The following ODAD1 variants were observed in gnomAD, a reference collection of about 807,000 sequenced individuals.
ODAD1 encodes outer dynein arm-docking complex subunit 1.
In ODAD1, 49 loss-of-function variants were observed where a neutral mutation model predicts 67.2. The observed-to-expected ratio is 0.73, with a 90% CI of 0.58 to 0.92. The LOEUF is 0.92. Ranked by LOEUF, ODAD1 falls within the 40% of genes least tolerant of loss-of-function variation. The pLI is 0.00. For synonymous variants in ODAD1, 345 were observed against 393.7 expected (o/e 0.88, Z 1.46); for missense variants, 897 against 953.7 (o/e 0.94, Z 0.78).
chr19:48,302,600 G>T, intron 12 of ODAD1, 94 bp downstream of exon 12: 1 of 1,009,000 alleles, frequency 9.9e-7, no homozygotes, highest in Non-Finnish European at 1.5e-6. Context: ...AAGTGAACCA[G>T]GTTGTCCATG....
At chr19:48,300,015 A>G (rs1237317670) in intron 12 of ODAD1, among the ~76,000 whole-genome samples, 2 of 151,904 alleles carry the variant, frequency 1.3e-5, no homozygotes, top group Non-Finnish European at 2.9e-5. Flanking sequence ...ATCTCTAAAA[A>G]AAAAAAGGGC....
At position 48,303,061 on chromosome 19, in the gene ODAD1, G is replaced by A. The variant is rs763904992; in HGVS notation, c.1023C>T (p.Ile341=). Residue 341 remains isoleucine (I), a synonymous_variant, in exon 11 of 16, where the codon ATC becomes ATT. Transcript: ENST00000674294. ...EERNFAEFNF[I]NEQNLELEHV... ...GCTCCAGCTCCAAGTTCTGCTCGTT[G>A]ATGAAGTTGAACTCAGCAAAGTTGC... The A allele has an allele frequency of 1.9e-6, 3 of 1,614,018 alleles. No homozygotes were observed. The East Asian group carries it at 6.7e-5, about 36-fold the overall frequency.
intron 7 of ODAD1, among the ~76,000 whole-genome samples, chr19:48,308,336 G>A (rs1000826713): frequency 1.3e-5 from 2 of 151,900 alleles, no homozygotes; most frequent in Admixed American, 6.6e-5. Context: ...CACCACACCT[G>A]GCTAATTTTT....
chr19:48,304,910 T>C (rs189418378), intron 8 of ODAD1, among the ~76,000 whole-genome samples: 187 of 152,300 alleles, frequency 1.2e-3, no homozygotes, highest in African/African-American at 4.2e-3. Flanking sequence ...TTTGGAGTGA[T>C]GGAAATATTT....
At chr19:48,306,909 G>A (rs1427725084) in intron 7 of ODAD1, among the ~76,000 whole-genome samples, 1 of 152,122 alleles carries the variant, frequency 6.6e-6, no homozygotes, top group East Asian at 1.9e-4. Flanking sequence ...AGGGCCAGGC[G>A]CGGTGGCTCA....
intron 10 of ODAD1, 156 bp from the exon 11 acceptor site, chr19:48,303,251 C>T (rs1968517999): frequency 1.5e-6 from 1 of 668,202 alleles, no homozygotes; most frequent in African/African-American, 1.8e-5. Flanking sequence ...AGAGGAGTCA[C>T]AGAGACAAAG....
Position 48,297,526 on chromosome 19 carries a change from G to A in ODAD1, c.1582-8C>T, listed in dbSNP as rs1411766120. 1 of 1,602,746 alleles carries A rather than the reference G, an allele frequency of 6.2e-7. No individual in the cohort carries two copies. Among genetic ancestry groups the A allele is most frequent in the African/African-American group, 1.3e-5 (1 of 74,600 alleles). ...CTGCTCCTGGAGCTCCACCTGCAGGGAAGGTGAACTGGGCCCCGACACACA... is the reference window on the plus strand; with the variant it reads ...CTGCTCCTGGAGCTCCACCTGCAGGAAAGGTGAACTGGGCCCCGACACACA... On this transcript the variant is annotated splice_polypyrimidine_tract_variant and splice_region_variant and intron_variant, in intron 15 of 15. Coordinates refer to ENST00000674294, the MANE Select transcript of ODAD1 (RefSeq NM_001364171.2).
chr19:48,310,837 G>A (rs1968739686), intron 7 of ODAD1, among the ~76,000 whole-genome samples: 2 of 152,104 alleles, frequency 1.3e-5, no homozygotes, highest in African/African-American at 4.8e-5. Context: ...AGCACTTTGG[G>A]AGGCCGAGGC....
At chr19:48,297,831 G>T in intron 14 of ODAD1, 163 bp from the exon 15 acceptor site, 1 of 794,130 alleles carries the variant, frequency 1.3e-6, no homozygotes, top group Non-Finnish European at 1.9e-6. Context: ...CAGGTGCCAA[G>T]CCCCTACTCC....
chr19:48,303,797 A>G lies in ODAD1; in HGVS notation c.854-13T>C. 1 of 1,600,572 alleles carries G rather than the reference A, an allele frequency of 6.2e-7. No homozygotes were observed. Reference sequence around the variant, plus strand: ...GCCACCTCCCCGGCTAGGGGAAGAGAGAACAGCAGGTCGGCCTCCTGGGTG... The same window carrying G: ...GCCACCTCCCCGGCTAGGGGAAGAGGGAACAGCAGGTCGGCCTCCTGGGTG... On this transcript the variant is annotated splice_polypyrimidine_tract_variant and intron_variant, in intron 9 of 15. Transcript: ENST00000674294.
intron 4 of ODAD1, 25 bp from the exon 5 acceptor site, chr19:48,318,601 G>A (rs761327751): frequency 1.9e-6 from 3 of 1,548,806 alleles, no homozygotes; most frequent in South Asian, 1.2e-5. Flanking sequence ...AGGTGGAAGA[G>A]GGGCCAGTAA....
At chr19:48,310,234 C>G (rs889533267) in intron 7 of ODAD1, among the ~76,000 whole-genome samples, 5 of 150,824 alleles carry the variant, frequency 3.3e-5, no homozygotes, top group African/African-American at 1.2e-4. Context: ...AACTTAGTAT[C>G]AAAAAAGAAA....
At position 48,302,275 on chromosome 19, in the gene ODAD1, T is replaced by C. The variant is rs546014425; in HGVS notation, c.1240+419A>G. ...GATAGATATAGGACAGATGAAGGAA[T>C]AGATCCTGAATGGATGATGGATATA... On this transcript the variant is annotated intron_variant, in intron 12 of 15. Coordinates refer to ENST00000674294, the MANE Select transcript of ODAD1 (RefSeq NM_001364171.2). Among the ~76,000 whole-genome samples, 69 of 150,288 alleles carry C rather than the reference T, an allele frequency of 4.6e-4. 1 individual carries two copies. In the Middle Eastern group the frequency reaches 0.011, roughly 24 times the overall value.
At chr19:48,310,561 T>G (rs553663071) in intron 7 of ODAD1, among the ~76,000 whole-genome samples, 8 of 152,172 alleles carry the variant, frequency 5.3e-5, no homozygotes, top group Non-Finnish European at 1.0e-4. Flanking sequence ...TAGGAAATGC[T>G]CTCTCAAGTA....
chr19:48,297,617 C>A lies in ODAD1; in HGVS notation c.1554G>T (p.Glu518Asp), dbSNP rs140876041. The change falls in exon 15 of 16, where the codon GAG becomes GAT. Residue 518 changes from glutamate (E) to aspartate (D), a missense_variant. Glu to Asp is a conservative substitution (Grantham distance 45, BLOSUM62 2). Coordinates refer to ENST00000674294, the MANE Select transcript of ODAD1 (RefSeq NM_001364171.2). ...EASDDYPMSREELLSQVEKLV... is the reference protein window; with the variant it reads ...EASDDYPMSRDELLSQVEKLV... ...GCTTCTCCACTTGGCTCAGCAGCTCCTCCCTGCTCATGGGGTAGTCATCGC... is the reference window on the plus strand; with the variant it reads ...GCTTCTCCACTTGGCTCAGCAGCTCATCCCTGCTCATGGGGTAGTCATCGC... The A allele has an allele frequency of 1.0e-5, 16 of 1,535,850 alleles. No homozygotes were observed. In the African/African-American group the frequency reaches 1.9e-4, roughly 19 times the overall value.
rs1175480166 is a variant in ODAD1, at chr19:48,311,908, C to T, written c.483+86G>A. 10 of 1,285,448 alleles carry T rather than the reference C, an allele frequency of 7.8e-6. No homozygotes were observed. In the East Asian group the frequency reaches 2.5e-4, roughly 32 times the overall value. The allele number at this position is 1,285,448 out of a possible 1,614,324, so 79.6% of individuals were successfully genotyped here. On this transcript the variant is annotated intron_variant, in intron 6 of 15. Transcript: ENST00000674294. ...CCTGACACATATGTGCACACACTGC[C>T]CAGCATTTCCAGAATCCAATGACCA...
chr19:48,303,510 C>A, intron 10 of ODAD1, 140 bp downstream of exon 10: 1 of 1,021,866 alleles, frequency 9.8e-7, no homozygotes, highest in Admixed American at 2.5e-5. Flanking sequence ...TGGACGCGGG[C>A]GGCGGGTCCC....
chr19:48,305,878 G>A (rs1233850276), intron 8 of ODAD1, among the ~76,000 whole-genome samples: 1 of 151,942 alleles, frequency 6.6e-6, no homozygotes, highest in Non-Finnish European at 1.5e-5. Context: ...GGTCAAGATG[G>A]TGAAACCCCA....
Position 48,297,362 on chromosome 19 carries a change from CG to C in ODAD1, c.1737del (p.Ser581ProfsTer3). ...CTAGTCTTGTGGCTCAAAATGGACC[CG>C]GGGATGGCATGGGGGTGCCTGGTGG... Reference protein sequence around the residue: ...LVPTRHPHAIPGSILSHKTSR... With the variant: ...LVPTRHPHAIXGSILSHKTSR... On this transcript the variant is annotated frameshift_variant, in exon 16 of 16. Coordinates refer to ENST00000674294, the MANE Select transcript of ODAD1 (RefSeq NM_001364171.2). LOFTEE classifies it low-confidence loss of function (END_TRUNC). The C allele has an allele frequency of 6.2e-7, 1 of 1,610,250 alleles. No individual in the cohort carries two copies.
Sources: allele counts gnomAD v4.1 joint callset (sites outside exome capture counted in the v4.1 genomes callset), GRCh38; gene constraint gnomAD v4.1.1; transcripts MANE v1.5; gene names NCBI Gene and HGNC (gene_info 2026-07-23, HGNC 2026-07-21).